SOX6: variants seen among roughly 807,000 people sequenced by gnomAD.
The protein encoded by SOX6 is transcription factor SOX-6.
SOX6 carries 11 observed loss-of-function variants against 97.8 expected under a neutral mutation model. That is an observed-to-expected ratio of 0.11 (90% confidence interval 0.07 to 0.19). SOX6 has a LOEUF of 0.19. SOX6 is among the 10% of genes least tolerant of loss of function. The pLI is 1.00. For missense variants in SOX6, 810 were observed against 1,039.5 expected (o/e 0.78, Z 3.04); for synonymous variants, 360 against 371.4 (o/e 0.97, Z 0.35).
chr11:16,380,770 C>T (rs933545920), intron 1 of SOX6, among the ~76,000 whole-genome samples: 3 of 152,066 alleles, frequency 2.0e-5, no homozygotes, highest in African/African-American at 7.2e-5. Context: ...ATGTGTCCAT[C>T]TACTAATAGA....
At chr11:16,061,841 T>A (rs565511575) in intron 9 of SOX6, among the ~76,000 whole-genome samples, 28 of 151,838 alleles carry the variant, frequency 1.8e-4, no homozygotes, top group Non-Finnish European at 3.2e-4. Flanking sequence ...GGATTGCATA[T>A]GCAGGAGAAT....
At chr11:16,016,196 A>G (rs1166112653) in intron 12 of SOX6, among the ~76,000 whole-genome samples, 4 of 152,078 alleles carry the variant, frequency 2.6e-5, no homozygotes, top group Non-Finnish European at 2.9e-5. Flanking sequence ...TCATTTGTAC[A>G]GCCTGACTAC....
intron 4 of SOX6, among the ~76,000 whole-genome samples, chr11:16,530,240 A>C (rs1279614364): frequency 6.6e-6 from 1 of 152,110 alleles, no homozygotes; most frequent in African/African-American, 2.4e-5. Flanking sequence ...TAATAATTGC[A>C]TAAACCTCAT....
At chr11:16,361,477 A>C (rs1857210255), upstream of SOX6, among the ~76,000 whole-genome samples, 1 of 152,238 alleles carries the variant, frequency 6.6e-6, no homozygotes, top group African/African-American at 2.4e-5. Context: ...TGGGAAAAAT[A>C]ATAAGAAAAC....
chr11:16,688,976 A>G (rs1023658613), intron 3 of SOX6, among the ~76,000 whole-genome samples: 2 of 152,234 alleles, frequency 1.3e-5, no homozygotes, highest in Non-Finnish European at 2.9e-5. Context: ...CTAGTCCAGC[A>G]GTATATAGTC....
At chr11:16,695,049 T>C (rs192147433) in intron 3 of SOX6, among the ~76,000 whole-genome samples, 337 of 152,328 alleles carry the variant, frequency 2.2e-3, no homozygotes, top group Non-Finnish European at 2.9e-3. Context: ...ATATGTGGGT[T>C]TTGGTATCCA....
At chr11:16,272,354 A>C (rs1405109873) in intron 3 of SOX6, among the ~76,000 whole-genome samples, 1 of 151,692 alleles carries the variant, frequency 6.6e-6, no homozygotes, top group South Asian at 2.1e-4. Context: ...AAATCCATAA[A>C]TAATTTCTGT....
chr11:16,205,833 A>G (rs1852056728), intron 4 of SOX6, among the ~76,000 whole-genome samples: 1 of 152,054 alleles, frequency 6.6e-6, no homozygotes, highest in Admixed American at 6.6e-5. Flanking sequence ...TCTAGTTTCA[A>G]TTTTGCCACC....
At chr11:16,519,711 G>A (rs1170027035) in intron 4 of SOX6, among the ~76,000 whole-genome samples, 1 of 152,112 alleles carries the variant, frequency 6.6e-6, no homozygotes, top group African/African-American at 2.4e-5. Context: ...CCTTTGGGTA[G>A]AAACCTACTA....
At chr11:16,314,493 T>C (rs1855705856) in intron 3 of SOX6, 1 of 152,206 alleles carries the variant, frequency 6.6e-6, no homozygotes, top group Non-Finnish European at 1.5e-5. Context: ...ATATGCCTTA[T>C]ATCTCTTACT....
chr11:16,658,722 G>A (rs1253179659), intron 3 of SOX6, among the ~76,000 whole-genome samples: 1 of 149,384 alleles, frequency 6.7e-6, no homozygotes, highest in Non-Finnish European at 1.5e-5. Flanking sequence ...AAAAAAAAAT[G>A]TTCTCCTGAG....
intron 3 of SOX6, among the ~76,000 whole-genome samples, chr11:16,617,903 CT>C (rs1266488555): frequency 6.6e-6 from 1 of 151,846 alleles, no homozygotes; most frequent in Non-Finnish European, 1.5e-5. Flanking sequence ...TATTACATTA[CT>C]TAATTATTAA....
intron 7 of SOX6, among the ~76,000 whole-genome samples, chr11:16,111,399 A>G (rs1423965326): frequency 6.6e-6 from 1 of 152,224 alleles, no homozygotes; most frequent in Non-Finnish European, 1.5e-5. Context: ...TATCTTTCTA[A>G]GAGAAGTCTG....
intron 4 of SOX6, among the ~76,000 whole-genome samples, chr11:16,583,638 C>CATATGTATATATATATATATATATAT (rs1329710047): frequency 1.9e-5 from 2 of 104,604 alleles, no homozygotes; most frequent in Non-Finnish European, 4.4e-5. Flanking sequence ...TATATATATA[C>CATATGTATATATATATATATATATAT]ACATACACAC....
At chr11:16,555,497 C>A (rs1485664286) in intron 4 of SOX6, among the ~76,000 whole-genome samples, 1 of 151,304 alleles carries the variant, frequency 6.6e-6, no homozygotes, top group African/African-American at 2.4e-5. Context: ...TATTTTGATA[C>A]CTGTATACAA....
chr11:16,652,284 A>G (rs1847665127), intron 3 of SOX6, among the ~76,000 whole-genome samples: 1 of 152,178 alleles, frequency 6.6e-6, no homozygotes, highest in Non-Finnish European at 1.5e-5. Context: ...GTAGAACCTA[A>G]AAAGACCTTG....
intron 4 of SOX6, among the ~76,000 whole-genome samples, chr11:16,592,017 A>T (rs1269143207): frequency 6.6e-6 from 1 of 152,134 alleles, no homozygotes; most frequent in African/African-American, 2.4e-5. Context: ...GGAGACCACA[A>T]TTCATTTTAA....
At chr11:15,977,975 C>A (rs1323498578) in intron 15 of SOX6, among the ~76,000 whole-genome samples, 2 of 152,086 alleles carry the variant, frequency 1.3e-5, no homozygotes, top group African/African-American at 4.8e-5. Context: ...GTGCCCCATT[C>A]TCTGCCTGCC....
chr11:16,560,453 G>A (rs112806279), intron 4 of SOX6, among the ~76,000 whole-genome samples: 16 of 148,674 alleles, frequency 1.1e-4, no homozygotes, highest in Admixed American at 3.4e-4. Context: ...ATGTTTATAC[G>A]TACATATATG....
Sources: gnomAD v4.1 joint callset for allele counts (sites outside exome capture counted in the v4.1 genomes callset) on GRCh38, gnomAD v4.1.1 for gene constraint, MANE v1.5 for transcripts, NCBI Gene and HGNC (gene_info 2026-07-23, HGNC 2026-07-21) for gene names.